The following DHRSX variants were observed in gnomAD, a reference collection of about 807,000 sequenced individuals.
DHRSX encodes polyprenol dehydrogenase.
A neutral mutation model predicts 34.0 loss-of-function variants in DHRSX; 31 were observed. The observed-to-expected ratio is 0.91, with a 90% CI of 0.69 to 1.23. The LOEUF (loss-of-function observed/expected upper bound fraction) is 1.23, where lower values mean the gene tolerates loss of function less well. Among genes scored for constraint, DHRSX ranks in the 50% most tolerant of loss-of-function variants. The probability of loss-of-function intolerance (pLI) is 0.00; values close to 1 mark genes in which losing one functional copy is unlikely to be tolerated. For missense variants in DHRSX, 414 were observed against 428.1 expected (o/e 0.97, Z 0.29); for synonymous variants, 201 against 183.8 (o/e 1.09, Z -0.76).
intron 1 of DHRSX, among the ~76,000 whole-genome samples, chrX:2,469,320 G>A (rs754792904): frequency 9.9e-5 from 15 of 151,618 alleles, no homozygotes; most frequent in African/African-American, 3.6e-4. Flanking sequence ...GTGGATAAGG[G>A]ACCGCCGCCA....
Position 2,262,628 on chromosome X carries a change from C to A in DHRSX, c.596+4112G>T, listed in dbSNP as rs1220524886. ...CACATGCCCTTGCTTCCTCAGGGCA[C>A]CATGAAGGAGAAGCAGCCCCTCCCG... is the stretch of plus-strand genomic sequence containing the variant. On this transcript the variant is annotated intron_variant, in intron 5 of 6. Transcript: ENST00000334651. Among the ~76,000 whole-genome samples the A allele has an allele frequency of 2.6e-5, 4 of 152,236 alleles. No individual in the cohort carries two copies. In the East Asian group the frequency reaches 7.7e-4, roughly 29 times the overall value.
At chrX:2,318,561 G>A (rs753802552) in intron 3 of DHRSX, among the ~76,000 whole-genome samples, 12 of 152,190 alleles carry the variant, frequency 7.9e-5, no homozygotes, top group South Asian at 2.1e-4. Context: ...TAATGCATTC[G>A]CTGCTAAAAG....
intron 1 of DHRSX, among the ~76,000 whole-genome samples, chrX:2,472,808 T>C (rs188248483): frequency 9.2e-5 from 14 of 152,196 alleles, no homozygotes; most frequent in Middle Eastern, 3.4e-3. Flanking sequence ...TGTGCTGCTA[T>C]TGGGAATATT....
intron 1 of DHRSX, among the ~76,000 whole-genome samples, chrX:2,492,962 C>T (rs374536098): frequency 1.4e-4 from 21 of 152,368 alleles, no homozygotes; most frequent in African/African-American, 4.6e-4. Flanking sequence ...CGGGCAGTCG[C>T]GGCCTGCGTT....
At chrX:2,396,364 T>G (rs933409662) in intron 3 of DHRSX, among the ~76,000 whole-genome samples, 4 of 131,922 alleles carry the variant, frequency 3.0e-5, no homozygotes, top group African/African-American at 1.1e-4. Context: ...TTTGATGCTT[T>G]CTTTCTTTTT....
chrX:2,369,088 T>C (rs747546119), intron 3 of DHRSX, among the ~76,000 whole-genome samples: 1 of 152,340 alleles, frequency 6.6e-6, no homozygotes, highest in South Asian at 2.1e-4. Flanking sequence ...TACCACACCC[T>C]TCACTGAGGA....
intron 2 of DHRSX, among the ~76,000 whole-genome samples, chrX:2,420,541 G>A (rs2873294): frequency 0.14 from 21,037 of 151,478 alleles, 1,622 homozygotes; most frequent in Middle Eastern, 0.21. Flanking sequence ...TCAAGAGATC[G>A]AGACCATCTT....
intron 3 of DHRSX, among the ~76,000 whole-genome samples, chrX:2,303,252 T>C (rs1015313323): frequency 2.0e-4 from 31 of 152,124 alleles, no homozygotes; most frequent in Non-Finnish European, 3.1e-4. Context: ...GGTGGTGATA[T>C]AGTTTAGATC....
At chrX:2,226,068 G>C (rs2015653077) in intron 6 of DHRSX, among the ~76,000 whole-genome samples, 1 of 152,124 alleles carries the variant, frequency 6.6e-6, no homozygotes, top group African/African-American at 2.4e-5. Flanking sequence ...CCAGCCTCCA[G>C]GACGGTGGGA....
chrX:2,462,018 G>A (rs1479727959), intron 1 of DHRSX, among the ~76,000 whole-genome samples: 1 of 152,058 alleles, frequency 6.6e-6, no homozygotes, highest in Non-Finnish European at 1.5e-5. Context: ...GCAATTCTGA[G>A]AAGACACAAA....
chrX:2,307,713 C>T (rs1419449999), intron 3 of DHRSX, among the ~76,000 whole-genome samples: 1 of 148,944 alleles, frequency 6.7e-6, no homozygotes, highest in African/African-American at 2.5e-5. Flanking sequence ...TGCAGTGAGC[C>T]GAGATTGTGC....
chrX:2,243,786 C>CTGT (rs2016202318), intron 5 of DHRSX, among the ~76,000 whole-genome samples: 1 of 25,118 alleles, frequency 4.0e-5, no homozygotes, highest in South Asian at 2.0e-3. Flanking sequence ...ACTATGCTCC[C>CTGT]TGTTTTTTTT....
chrX:2,395,224 G>A (rs887936535), intron 3 of DHRSX, among the ~76,000 whole-genome samples: 2 of 152,096 alleles, frequency 1.3e-5, no homozygotes, highest in Non-Finnish European at 2.9e-5. Context: ...CTCACCTGCT[G>A]CAGGGAGCTC....
intron 1 of DHRSX, among the ~76,000 whole-genome samples, chrX:2,457,779 T>C (rs990577824): frequency 2.8e-5 from 4 of 141,842 alleles, no homozygotes; most frequent in African/African-American, 1.1e-4. Context: ...CCTAAGCATG[T>C]GGCCCAAGGG....
At chrX:2,393,601 C>A (rs112661012) in intron 3 of DHRSX, among the ~76,000 whole-genome samples, 339 of 121,088 alleles carry the variant, frequency 2.8e-3, no homozygotes, top group African/African-American at 8.2e-3. Context: ...TCTGCACACA[C>A]GACACACAGG....
chrX:2,474,198 T>G (rs73179249), intron 1 of DHRSX, among the ~76,000 whole-genome samples: 31,220 of 151,524 alleles, frequency 0.21, 4,271 homozygotes, highest in African/African-American at 0.39. Flanking sequence ...ACTGAAGACG[T>G]TTTCTAAGAA....
chrX:2,451,233 TAAAAA>T (rs34552645), intron 1 of DHRSX, among the ~76,000 whole-genome samples: 6 of 135,642 alleles, frequency 4.4e-5, no homozygotes, highest in African/African-American at 1.4e-4. Context: ...ACTCCATCTT[TAAAAA>T]AAAAAAAAAA....
intron 6 of DHRSX, among the ~76,000 whole-genome samples, chrX:2,237,620 T>G (rs762574673): frequency 6.6e-6 from 1 of 152,038 alleles, no homozygotes; most frequent in Admixed American, 6.6e-5. Context: ...TTCTCCTGCC[T>G]CAGCCTCCTG....
In DHRSX at chrX:2,331,591, G is replaced by A. The variant is rs752911249; in HGVS notation, c.287-39988C>T. 2.3e-3 allele frequency among the ~76,000 whole-genome samples: 347 copies of A among 151,822 alleles called. 5 individuals are homozygous for A. The highest frequency in any genetic ancestry group is 7.7e-3 in the African/African-American group (321 of 41,432). On this transcript the variant is annotated intron_variant, in intron 3 of 6. Transcript: ENST00000334651. ...GCCTGCCGAGTAGCTGGGATTACAG[G>A]TGCCCGCCACCATGCCCAGCTAATT...
Sources: allele counts gnomAD v4.1 joint callset (sites outside exome capture counted in the v4.1 genomes callset), GRCh38; gene constraint gnomAD v4.1.1; transcripts MANE v1.5; gene names NCBI Gene and HGNC (gene_info 2026-07-23, HGNC 2026-07-21).